Variants in PRIM2 observed in about 807,000 individuals in gnomAD.
The protein encoded by PRIM2 is DNA primase large subunit.
Under a neutral mutation model 67.3 loss-of-function variants are expected in PRIM2, and 39 were observed. The observed-to-expected ratio is 0.58, with a 90% CI of 0.45 to 0.76. The LOEUF (loss-of-function observed/expected upper bound fraction) is 0.76, where lower values mean the gene tolerates loss of function less well. Among genes scored for constraint, PRIM2 ranks in the 30% least tolerant of loss-of-function variants. The pLI is 0.00. For synonymous variants in PRIM2, 143 were observed against 198.7 expected (o/e 0.72, Z 2.36); for missense variants, 398 against 598.7 (o/e 0.66, Z 3.50).
upstream of PRIM2, among the ~76,000 whole-genome samples, chr6:57,310,493 C>G (rs113218755): frequency 0.11 from 16,437 of 152,310 alleles, 971 homozygotes; most frequent in South Asian, 0.14. Context: ...CTTTCTTTTC[C>G]CCGCATTTCT....
chr6:57,522,510 A>G (rs1439334958), intron 8 of PRIM2, among the ~76,000 whole-genome samples: 2 of 152,312 alleles, frequency 1.3e-5, no homozygotes, highest in East Asian at 3.9e-4. Flanking sequence ...TTTTCAAAAT[A>G]TCTTTTATTT....
At chr6:57,582,322 G>T (rs1342401891) in intron 10 of PRIM2, among the ~76,000 whole-genome samples, 1 of 152,146 alleles carries the variant, frequency 6.6e-6, no homozygotes, top group Non-Finnish European at 1.5e-5. Context: ...GCAATGGCGT[G>T]TTCTATATCC....
chr6:57,433,654 T>G (rs1771906814), intron 7 of PRIM2, among the ~76,000 whole-genome samples: 1 of 152,136 alleles, frequency 6.6e-6, no homozygotes, highest in Non-Finnish European at 1.5e-5. Context: ...TTTCAATGGT[T>G]GAATAAAGGT....
chr6:57,325,180 G>A (rs543570465), intron 4 of PRIM2, among the ~76,000 whole-genome samples: 2 of 152,074 alleles, frequency 1.3e-5, no homozygotes, highest in East Asian at 3.9e-4. Flanking sequence ...CCTTTGCAAA[G>A]TTAATCTGAT....
At chr6:57,243,897 A>T in the PRIM2 span, among the ~76,000 whole-genome samples, 6 of 152,354 alleles carry the variant, frequency 3.9e-5, no homozygotes, top group Admixed American at 2.0e-4. Context: ...GGGCCTAATT[A>T]TGCATTCTAT....
At chr6:57,256,471 G>A in the PRIM2 span, among the ~76,000 whole-genome samples, 9 of 152,220 alleles carry the variant, frequency 5.9e-5, no homozygotes, top group East Asian at 1.9e-4. Context: ...ATAAAATAAC[G>A]TAAGTCACAT....
chr6:57,598,262 G>A (rs1776403501), intron 10 of PRIM2, among the ~76,000 whole-genome samples: 1 of 152,180 alleles, frequency 6.6e-6, no homozygotes, highest in Non-Finnish European at 1.5e-5. Context: ...TTGTGCTCTA[G>A]TATAAAAGTG....
Position 57,532,176 on chromosome 6 carries a change from T to C in PRIM2, c.762-235T>C, listed in dbSNP as rs1310460997. Among the ~76,000 whole-genome samples the C allele has an allele frequency of 3.3e-5, 5 of 152,260 alleles. No homozygotes were observed. In the South Asian group the frequency reaches 1.0e-3, roughly 31 times the overall value. On this transcript the variant is annotated intron_variant, in intron 8 of 13. Transcript: ENST00000615550. ...GCTTCTAAAAAAATGGAAGTGGTGCTCTAGACTAGGAGTCAGGAGGTTCAG... is the reference window on the plus strand; with the variant it reads ...GCTTCTAAAAAAATGGAAGTGGTGCCCTAGACTAGGAGTCAGGAGGTTCAG...
At chr6:57,454,881 G>A (rs907279704) in intron 7 of PRIM2, among the ~76,000 whole-genome samples, 1 of 152,078 alleles carries the variant, frequency 6.6e-6, no homozygotes, top group Non-Finnish European at 1.5e-5. Flanking sequence ...TGATGTTAGG[G>A]TGTCAATTTT....
At chr6:57,315,995 G>A (rs1374473868), upstream of PRIM2, among the ~76,000 whole-genome samples, 1 of 152,140 alleles carries the variant, frequency 6.6e-6, no homozygotes, top group Admixed American at 6.5e-5. Flanking sequence ...AATACAGAGA[G>A]GAAGAAATGA....
chr6:57,286,018 G>A, the PRIM2 span, among the ~76,000 whole-genome samples: 1 of 152,052 alleles, frequency 6.6e-6, no homozygotes, highest in Non-Finnish European at 1.5e-5. Flanking sequence ...TTGCTATAAA[G>A]AAAATAAAAT....
At chr6:57,487,465 G>GTGATCCTCCCACCT (rs1246755414) in intron 7 of PRIM2, among the ~76,000 whole-genome samples, 71 of 152,336 alleles carry the variant, frequency 4.7e-4, no homozygotes, top group African/African-American at 1.7e-3. Flanking sequence ...CTTGCCTCAA[G>GTGATCCTCCCACCT]TGATCCTCCC....
At chr6:57,336,112 A>G (rs1310199899) in intron 5 of PRIM2, among the ~76,000 whole-genome samples, 1 of 152,234 alleles carries the variant, frequency 6.6e-6, no homozygotes, top group Non-Finnish European at 1.5e-5. Flanking sequence ...GATATCAGCA[A>G]TGGAAGATGA....
chr6:57,338,979 C>T (rs1352041030), intron 5 of PRIM2, among the ~76,000 whole-genome samples: 1 of 152,212 alleles, frequency 6.6e-6, no homozygotes, highest in East Asian at 1.9e-4. Flanking sequence ...CCAAAATCTT[C>T]TTAAGCTGAT....
upstream of PRIM2, among the ~76,000 whole-genome samples, chr6:57,315,705 C>T (rs1187906149): frequency 6.6e-6 from 1 of 151,906 alleles, no homozygotes; most frequent in Non-Finnish European, 1.5e-5. Flanking sequence ...TTAACCTTTT[C>T]GATGTTATAC....
intron 2 of PRIM2, among the ~76,000 whole-genome samples, chr6:57,320,205 T>G (rs1767605213): frequency 6.6e-6 from 1 of 152,074 alleles, no homozygotes; most frequent in South Asian, 2.1e-4. Flanking sequence ...TTATTCACCA[T>G]CCATCCCTCT....
At chr6:57,288,415 C>A in the PRIM2 span, among the ~76,000 whole-genome samples, 2 of 152,162 alleles carry the variant, frequency 1.3e-5, no homozygotes, top group Admixed American at 6.5e-5. Flanking sequence ...CTAAACATTC[C>A]GGTCTGACAG....
intron 12 of PRIM2, among the ~76,000 whole-genome samples, chr6:57,631,330 A>G (rs1777035893): frequency 6.6e-6 from 1 of 152,192 alleles, no homozygotes; most frequent in Non-Finnish European, 1.5e-5. Flanking sequence ...ACTGCATTTG[A>G]TAAATAGGCC....
At chr6:57,452,860 C>T (rs1254900199) in intron 7 of PRIM2, among the ~76,000 whole-genome samples, 159 of 152,304 alleles carry the variant, frequency 1.0e-3, no homozygotes, top group African/African-American at 3.6e-3. Flanking sequence ...AGTCCTTGCC[C>T]TTACCTATGT....
Sources: allele counts gnomAD v4.1 joint callset (sites outside exome capture counted in the v4.1 genomes callset), GRCh38; gene constraint gnomAD v4.1.1; transcripts MANE v1.5; gene names NCBI Gene and HGNC (gene_info 2026-07-23, HGNC 2026-07-21).